Variants in PSMF1 observed in about 807,000 individuals in gnomAD.
PSMF1 encodes proteasome inhibitor PI31 subunit.
A neutral mutation model predicts 29.3 loss-of-function variants in PSMF1; 30 were observed. The observed-to-expected ratio is 1.02, with a 90% CI of 0.77 to 1.39. The LOEUF (loss-of-function observed/expected upper bound fraction) is 1.39. Ranked by LOEUF, PSMF1 falls within the 40% of genes most tolerant of loss-of-function variation. The probability of loss-of-function intolerance (pLI) is 0.00; values close to 1 mark genes in which losing one functional copy is unlikely to be tolerated. For missense variants in PSMF1, 344 were observed against 357.5 expected, an observed-to-expected ratio of 0.96 and a Z score of 0.31; for synonymous variants, 134 against 139.7, an observed-to-expected ratio of 0.96 and a Z score of 0.29.
Position 1,164,929 on chromosome 20 carries a change from T to C in PSMF1, c.765-100T>C. 9.5e-7 allele frequency: 1 copy of C among 1,054,474 alleles called. No individual in the cohort carries two copies. Among genetic ancestry groups the C allele is most frequent in the Non-Finnish European group, 1.5e-6 (1 of 682,542 alleles). 65.3% of individuals were successfully genotyped at this position (1,054,474 alleles called of 1,614,324 possible). A position where few individuals can be genotyped will look rare whatever the true frequency, so the allele number is the denominator to read the frequency against. On this transcript the variant is annotated intron_variant, in intron 6 of 6. Transcript: ENST00000335877. The surrounding 1 kb of genome is among the most constrained non-coding windows in gnomAD (Gnocchi z 4.1). ...TGTTTAAATTCCTCACACCGCCACATCATGTTGAAGGGCAGGCTCCCTCAG... is the reference window on the plus strand; with the variant it reads ...TGTTTAAATTCCTCACACCGCCACACCATGTTGAAGGGCAGGCTCCCTCAG...
intron 4 of PSMF1, among the ~76,000 whole-genome samples, chr20:1,157,488 A>G (rs1033950751): frequency 6.6e-6 from 1 of 152,232 alleles, no homozygotes; most frequent in East Asian, 1.9e-4. Flanking sequence ...CCCAAATACT[A>G]TTACATAAAG....
intron 4 of PSMF1, among the ~76,000 whole-genome samples, chr20:1,149,144 A>G (rs961072455): frequency 4.6e-5 from 7 of 152,204 alleles, no homozygotes; most frequent in African/African-American, 1.7e-4. Flanking sequence ...TGTTGTTTTC[A>G]TTGAAGCCTT....
At chr20:1,156,500 G>A (rs747226927) in intron 4 of PSMF1, among the ~76,000 whole-genome samples, 5 of 152,152 alleles carry the variant, frequency 3.3e-5, no homozygotes, top group South Asian at 4.1e-4. Flanking sequence ...AAGAAGTCTC[G>A]AAAGCAGTTG....
At position 1,127,464 on chromosome 20, in the gene PSMF1, C is replaced by G. The variant is rs768674538; in HGVS notation, c.321C>G (p.Asn107Lys). The G allele has an allele frequency of 6.2e-7, 1 of 1,609,146 alleles. No homozygotes were observed. Among genetic ancestry groups the G allele is most frequent in the Non-Finnish European group, 8.5e-7 (1 of 1,175,532 alleles). Residue 107 changes from asparagine to lysine, a missense_variant, in exon 3 of 7, where the codon AAC (asparagine) becomes AAG (lysine). Transcript: ENST00000335877. ...AGCAAGTGGCAGACTTGACCCTGAA[C>G]TTGGATGATTATATCGATGCAGAAC... ...GSQQVADLTL[N>K]LDDYIDAEHL...
At chr20:1,141,456 A>G (rs2086379038) in intron 4 of PSMF1, among the ~76,000 whole-genome samples, 1 of 152,212 alleles carries the variant, frequency 6.6e-6, no homozygotes, top group Admixed American at 6.5e-5. Context: ...AGAATTGATA[A>G]TAACTGCCCA....
rs1260274105 is a variant in PSMF1, at chr20:1,170,809, A to G, written c.*5729A>G. Reference sequence around the variant, plus strand: ...GGGTAGATAAGGGTGGGACTCAAGGACAAGAGAGGAACCTTGGAATATCCC... The same window carrying G: ...GGGTAGATAAGGGTGGGACTCAAGGGCAAGAGAGGAACCTTGGAATATCCC... On this transcript the variant is annotated 3_prime_UTR_variant, in exon 7 of 7. Coordinates refer to ENST00000335877, the MANE Select transcript of PSMF1 (RefSeq NM_006814.5). Among the ~76,000 whole-genome samples, 1 of 152,114 alleles carries G rather than the reference A, an allele frequency of 6.6e-6. No individual in the cohort carries two copies. The highest frequency in any genetic ancestry group is 1.5e-5 in the Non-Finnish European group (1 of 68,010).
intron 3 of PSMF1, among the ~76,000 whole-genome samples, chr20:1,128,008 GTC>G (rs1266364415): frequency 6.6e-6 from 1 of 152,134 alleles, no homozygotes; most frequent in Non-Finnish European, 1.5e-5. Flanking sequence ...CAACTAATGA[GTC>G]TACATTGACA....
At chr20:1,161,633 A>T in intron 4 of PSMF1, 2 of 677,334 alleles carry the variant, frequency 3.0e-6, no homozygotes, top group Admixed American at 1.9e-5. Flanking sequence ...CTTCCAGCAG[A>T]TGTGGATTAG....
At chr20:1,155,446 T>C (rs2086582623) in intron 4 of PSMF1, among the ~76,000 whole-genome samples, 1 of 152,134 alleles carries the variant, frequency 6.6e-6, no homozygotes, top group Admixed American at 6.5e-5. Context: ...CTCCCTCCAC[T>C]TGATGTTGGA....
In PSMF1 at chr20:1,172,079, G is replaced by C. The variant is rs2086795650; in HGVS notation, c.*6999G>C. Among the ~76,000 whole-genome samples, 1 of 152,176 alleles carries C rather than the reference G, an allele frequency of 6.6e-6. No homozygotes were observed. Among genetic ancestry groups the C allele is most frequent in the African/African-American group, 2.4e-5 (1 of 41,444 alleles). On this transcript the variant is annotated 3_prime_UTR_variant, in exon 7 of 7. Transcript: ENST00000335877. ...CCATGACTAAGTGGGCCATGGGCTG[G>C]ACTGAGTTCAGTGCTCCCCCAACCT...
At chr20:1,155,877 A>G (rs1048875475) in intron 4 of PSMF1, among the ~76,000 whole-genome samples, 2 of 152,238 alleles carry the variant, frequency 1.3e-5, no homozygotes, top group African/African-American at 4.8e-5. Flanking sequence ...ATCTGGAATA[A>G]AGTCCAAAAT....
intron 4 of PSMF1, among the ~76,000 whole-genome samples, chr20:1,139,738 C>A (rs897003313): frequency 1.2e-5 from 1 of 84,826 alleles, no homozygotes; most frequent in Admixed American, 1.2e-4. Flanking sequence ...GAGCGAGACT[C>A]CATCTCAAAA....
At chr20:1,129,202 C>T (rs1235624865) in intron 3 of PSMF1, among the ~76,000 whole-genome samples, 1 of 152,090 alleles carries the variant, frequency 6.6e-6, no homozygotes, top group Non-Finnish European at 1.5e-5. Context: ...TTAATAGAGA[C>T]AGGGTTTTGC....
intron 4 of PSMF1, among the ~76,000 whole-genome samples, chr20:1,157,589 T>TCAC (rs199829019): frequency 1.3e-5 from 2 of 151,558 alleles, no homozygotes; most frequent in African/African-American, 4.9e-5. Context: ...CTTTCTTAAT[T>TCAC]AAGTGTATGC....
chr20:1,151,177 A>G (rs1472894305), intron 4 of PSMF1, among the ~76,000 whole-genome samples: 24 of 152,090 alleles, frequency 1.6e-4, no homozygotes, highest in Admixed American at 1.6e-3. Flanking sequence ...TTATACAGCT[A>G]CTGTTTATTC....
intron 3 of PSMF1, among the ~76,000 whole-genome samples, chr20:1,131,554 A>G (rs2086229393): frequency 6.6e-6 from 1 of 152,176 alleles, no homozygotes; most frequent in African/African-American, 2.4e-5. Context: ...GTGAAAGCTG[A>G]GGTATGGCTC....
chr20:1,160,755 G>A, intron 4 of PSMF1: 1 of 434,974 alleles, frequency 2.3e-6, no homozygotes, highest in Non-Finnish European at 4.7e-6. Context: ...GGGCGACAAG[G>A]CCCAGAGCAA....
At chr20:1,132,696 C>T (rs2086245818) in intron 3 of PSMF1, among the ~76,000 whole-genome samples, 1 of 152,124 alleles carries the variant, frequency 6.6e-6, no homozygotes, top group Non-Finnish European at 1.5e-5. Flanking sequence ...GACATTCTTG[C>T]TATGAACATG....
chr20:1,122,777 A>G (rs1317929720), intron 1 of PSMF1, among the ~76,000 whole-genome samples: 1 of 152,212 alleles, frequency 6.6e-6, no homozygotes, highest in African/African-American at 2.4e-5. Context: ...GGGAACATCA[A>G]TTGCACTGCA....
Sources: allele counts gnomAD v4.1 joint callset (sites outside exome capture counted in the v4.1 genomes callset), GRCh38; gene constraint gnomAD v4.1.1; non-coding constraint Gnocchi (gnomAD v3.1); transcripts MANE v1.5; gene names NCBI Gene and HGNC (gene_info 2026-07-23, HGNC 2026-07-21).